The following PPP4R1 variants were observed in gnomAD, a reference collection of about 807,000 sequenced individuals.
The protein encoded by PPP4R1 is protein phosphatase 4 regulatory subunit 1, also known as serine/threonine-protein phosphatase 4 regulatory subunit 1.
PPP4R1 carries 42 observed loss-of-function variants against 111.2 expected under a neutral mutation model. The ratio of observed to expected loss-of-function variants is 0.38; its 90% CI spans 0.29 to 0.49. The LOEUF (loss-of-function observed/expected upper bound fraction) is 0.49, where lower values mean the gene tolerates loss of function less well. PPP4R1 is among the 20% of genes least tolerant of loss of function. The probability of loss-of-function intolerance (pLI) is 0.97; values close to 1 mark genes in which losing one functional copy is unlikely to be tolerated. For missense variants in PPP4R1, 1,012 were observed against 1,161.6 expected, an observed-to-expected ratio of 0.87 and a Z score of 1.87; for synonymous variants, 409 against 405.5, an observed-to-expected ratio of 1.01 and a Z score of -0.10.
rs1270277495 is a variant in PPP4R1, at chr18:9,603,216, C to A, written c.53-8063G>T. Among the ~76,000 whole-genome samples, 5 of 108,214 alleles carry A rather than the reference C, an allele frequency of 4.6e-5. 1 individual carries two copies. Among genetic ancestry groups the A allele is most frequent in the African/African-American group, 2.6e-4 (5 of 19,092 alleles). 71.0% of individuals were successfully genotyped at this position (108,214 alleles called of 152,430 possible). A position where few individuals can be genotyped will look rare whatever the true frequency, so the allele number is the denominator to read the frequency against. ...GACAGCACATACACTATCTACCATT[C>A]CCATTGACTTATTTATGCAACAAAG... On this transcript the variant is annotated intron_variant, in intron 2 of 19. Transcript: ENST00000400556.
chr18:9,559,120 C>T (rs558093734), intron 14 of PPP4R1, among the ~76,000 whole-genome samples: 2 of 152,154 alleles, frequency 1.3e-5, no homozygotes, highest in East Asian at 1.9e-4. Flanking sequence ...ATCCTATATT[C>T]GGAACAATTA....
intron 2 of PPP4R1, among the ~76,000 whole-genome samples, chr18:9,608,471 G>C (rs1399981774): frequency 1.3e-5 from 2 of 152,200 alleles, no homozygotes; most frequent in Non-Finnish European, 2.9e-5. Context: ...TTAGTCTAGG[G>C]AGATAAGAAG....
In PPP4R1 at chr18:9,547,617, CTT is replaced by C. The variant is rs968701038; in HGVS notation, c.*170_*171del. 10 of 659,664 alleles carry C rather than the reference CTT, an allele frequency of 1.5e-5. No individual in the cohort carries two copies. In the African/African-American group the frequency reaches 1.8e-4, roughly 12 times the overall value. 40.9% of individuals were successfully genotyped at this position (659,664 alleles called of 1,614,324 possible). A position where few individuals can be genotyped will look rare whatever the true frequency, so the allele number is the denominator to read the frequency against. On this transcript the variant is annotated 3_prime_UTR_variant, in exon 20 of 20. Transcript: ENST00000400556. ...GATAATAGTGTTTACTGTACTTTCT[CTT>C]GACTCTTGAAATCCCTGGTATTGGG...
At chr18:9,579,176 C>G (rs2066985980) in intron 9 of PPP4R1, among the ~76,000 whole-genome samples, 1 of 152,160 alleles carries the variant, frequency 6.6e-6, no homozygotes, top group Non-Finnish European at 1.5e-5. Flanking sequence ...ATCCCACTGC[C>G]TGTAATTGAG....
chr18:9,590,354 AACAAAAT>A (rs1276911673), intron 4 of PPP4R1, among the ~76,000 whole-genome samples: 3 of 152,242 alleles, frequency 2.0e-5, no homozygotes, highest in Non-Finnish European at 2.9e-5. Context: ...GCCAGATATG[AACAAAAT>A]AGAGTGTTTC....
At chr18:9,617,012 C>T (rs2145406786), upstream of PPP4R1, 1 of 152,290 alleles carries the variant, frequency 6.6e-6, no homozygotes, top group East Asian at 1.9e-4. Flanking sequence ...ACTTTCTCTC[C>T]TTTCTAAAAG....
intron 4 of PPP4R1, among the ~76,000 whole-genome samples, chr18:9,592,455 T>C (rs2067226737): frequency 6.6e-6 from 1 of 152,246 alleles, no homozygotes; most frequent in Admixed American, 6.5e-5. Flanking sequence ...CTTCCCATTA[T>C]AATTTATTGT....
intron 14 of PPP4R1, among the ~76,000 whole-genome samples, chr18:9,558,275 G>C (rs1207885470): frequency 6.6e-6 from 1 of 152,190 alleles, no homozygotes; most frequent in Non-Finnish European, 1.5e-5. Context: ...TGATGGAAGA[G>C]GGGGGCAGCA....
intron 9 of PPP4R1, among the ~76,000 whole-genome samples, chr18:9,578,430 G>A (rs1201823421): frequency 6.6e-6 from 1 of 151,862 alleles, no homozygotes; most frequent in Non-Finnish European, 1.5e-5. Context: ...GCAGAGACAA[G>A]TCCTTGCTAT....
chr18:9,594,772 G>A, intron 3 of PPP4R1: 1 of 416,282 alleles, frequency 2.4e-6, no homozygotes, highest in South Asian at 3.8e-5. Context: ...ATTATGTCCA[G>A]TGGCAGAAAA....
At chr18:9,573,456 T>C (rs1037893244) in intron 10 of PPP4R1, among the ~76,000 whole-genome samples, 3 of 152,236 alleles carry the variant, frequency 2.0e-5, no homozygotes, top group East Asian at 1.9e-4. Context: ...TGTGATATCC[T>C]TGCAAAATTT....
chr18:9,564,697 G>GGTGTGTGTGTGTGTGT (rs1178823297), intron 11 of PPP4R1, among the ~76,000 whole-genome samples: 96 of 93,564 alleles, frequency 1.0e-3, no homozygotes, highest in East Asian at 8.5e-3. Context: ...TAAAGTGCAT[G>GGTGTGTGTGTGTGTGT]GTGTGTGTGT....
intron 11 of PPP4R1, among the ~76,000 whole-genome samples, chr18:9,567,233 A>G (rs1010044222): frequency 6.6e-6 from 1 of 152,224 alleles, no homozygotes; most frequent in African/African-American, 2.4e-5. Flanking sequence ...AAATGACTGA[A>G]GGATTCAAGA....
chr18:9,603,342 T>C (rs1042925089), intron 2 of PPP4R1, among the ~76,000 whole-genome samples: 2 of 151,878 alleles, frequency 1.3e-5, no homozygotes, highest in African/African-American at 4.9e-5. Flanking sequence ...TACATAATTA[T>C]TTTGTAAAAT....
At chr18:9,582,210 A>G (rs191701903) in intron 9 of PPP4R1, among the ~76,000 whole-genome samples, 4 of 152,144 alleles carry the variant, frequency 2.6e-5, no homozygotes, top group African/African-American at 9.6e-5. Context: ...AAATTAATGA[A>G]TAATAGAAAA....
intron 10 of PPP4R1, among the ~76,000 whole-genome samples, chr18:9,576,208 C>G (rs2066933147): frequency 6.6e-6 from 1 of 151,994 alleles, no homozygotes; most frequent in South Asian, 2.1e-4. Flanking sequence ...GTATCAAGAC[C>G]TACAGAAGAA....
intron 6 of PPP4R1, among the ~76,000 whole-genome samples, chr18:9,587,713 AT>A (rs912122441): frequency 2.7e-3 from 345 of 126,584 alleles, no homozygotes; most frequent in Middle Eastern, 0.013. Flanking sequence ...GCCCAGCCTA[AT>A]TTTTTTTTTT....
At chr18:9,604,073 G>C (rs929238965) in intron 2 of PPP4R1, among the ~76,000 whole-genome samples, 2 of 152,118 alleles carry the variant, frequency 1.3e-5, no homozygotes, top group African/African-American at 4.8e-5. Flanking sequence ...ACAACTCTAT[G>C]TTTAAAACAC....
intron 2 of PPP4R1, among the ~76,000 whole-genome samples, chr18:9,597,524 C>T (rs2067309385): frequency 6.6e-6 from 1 of 152,146 alleles, no homozygotes; most frequent in African/African-American, 2.4e-5. Context: ...AAAATAATTA[C>T]CTGAAACGAT....
Sources: gnomAD v4.1 joint callset for allele counts (sites outside exome capture counted in the v4.1 genomes callset) on GRCh38, gnomAD v4.1.1 for gene constraint, MANE v1.5 for transcripts, NCBI Gene and HGNC (gene_info 2026-07-23, HGNC 2026-07-21) for gene names.